The following LPAR5 variants were observed in gnomAD, a reference collection of about 807,000 sequenced individuals.
The protein encoded by LPAR5 is lysophosphatidic acid receptor 5.
For missense variants in LPAR5, 544 were observed against 521.8 expected (o/e 1.04, Z -0.41); for synonymous variants, 271 against 261.6 (o/e 1.04, Z -0.35).
rs767394053 is a variant in LPAR5 at position 6,620,374 on chromosome 12, A to G, written c.875T>C (p.Leu292Pro). The change falls in exon 2 of 2, where the codon CTG (leucine) becomes CCG (proline). Residue 292 changes from leucine to proline, a missense_variant. Coordinates refer to ENST00000329858, the MANE Select transcript of LPAR5 (RefSeq NM_020400.6). The surrounding 1 kb of genome is among the most constrained non-coding windows in gnomAD (Gnocchi z 6.8). ...MVLLAGANCV[L>P]DPLVYYFSAE... ...GCTAAAGTAGTACACCAGCGGGTCCAGCACGCAGTTGGCGCCGGCCAGCAG... is the reference window on the plus strand; with the variant it reads ...GCTAAAGTAGTACACCAGCGGGTCCGGCACGCAGTTGGCGCCGGCCAGCAG... 1 of 1,611,802 alleles carries G rather than the reference A, an allele frequency of 6.2e-7. No homozygotes were observed. The highest frequency in any genetic ancestry group is 2.2e-5 in the East Asian group (1 of 44,818).
At chr12:6,628,253 C>T (rs904839384) in intron 1 of LPAR5, among the ~76,000 whole-genome samples, 4 of 152,092 alleles carry the variant, frequency 2.6e-5, no homozygotes, top group Non-Finnish European at 5.9e-5. Context: ...TATCTCCTGA[C>T]CTCGTGATCT....
chr12:6,627,480 A>T (rs1440428523), intron 1 of LPAR5, among the ~76,000 whole-genome samples: 1 of 147,206 alleles, frequency 6.8e-6, no homozygotes, highest in Non-Finnish European at 1.5e-5. Flanking sequence ...AATCCCAACT[A>T]CTCGGGAGGC....
intron 1 of LPAR5, among the ~76,000 whole-genome samples, chr12:6,624,185 A>G (rs1257819685): frequency 6.6e-6 from 1 of 152,206 alleles, no homozygotes; most frequent in African/African-American, 2.4e-5. Context: ...CCACATGTGA[A>G]TAAATTTGAC....
chr12:6,630,089 G>A (rs1303090218), intron 1 of LPAR5, among the ~76,000 whole-genome samples: 5 of 151,978 alleles, frequency 3.3e-5, no homozygotes, highest in Non-Finnish European at 7.4e-5. Context: ...AAATGGCGAT[G>A]CTCTCTTGTT....
chr12:6,628,068 C>T (rs2136243582), intron 1 of LPAR5, among the ~76,000 whole-genome samples: 1 of 138,388 alleles, frequency 7.2e-6, no homozygotes, highest in South Asian at 2.3e-4. Flanking sequence ...GTCGTCCGGG[C>T]TGGAGTGCAG....
chr12:6,623,761 T>G (rs998136817), intron 1 of LPAR5, among the ~76,000 whole-genome samples: 39 of 152,098 alleles, frequency 2.6e-4, no homozygotes, highest in African/African-American at 8.7e-4. Context: ...TAAGCACAAA[T>G]CAATAGGTGG....
intron 1 of LPAR5, among the ~76,000 whole-genome samples, chr12:6,633,895 T>C (rs1204655740): frequency 6.6e-6 from 1 of 152,146 alleles, no homozygotes; most frequent in Non-Finnish European, 1.5e-5. Flanking sequence ...GTGAGTAAGT[T>C]TCTGTCTCAC....
chr12:6,625,179 A>G (rs1948925115), intron 1 of LPAR5, among the ~76,000 whole-genome samples: 1 of 151,864 alleles, frequency 6.6e-6, no homozygotes, highest in Admixed American at 6.6e-5. Context: ...TAATCCCAGC[A>G]CTTTGGGAGG....
chr12:6,628,712 A>G (rs980644922), intron 1 of LPAR5, among the ~76,000 whole-genome samples: 1 of 148,974 alleles, frequency 6.7e-6, no homozygotes, highest in Non-Finnish European at 1.5e-5. Context: ...CGCTCACCGC[A>G]ACCTCTGCCT....
At chr12:6,629,236 G>C (rs1270735074) in intron 1 of LPAR5, among the ~76,000 whole-genome samples, 1 of 151,080 alleles carries the variant, frequency 6.6e-6, no homozygotes, top group Non-Finnish European at 1.5e-5. Flanking sequence ...ATTAGCCAGG[G>C]GTGGTGGCAC....
chr12:6,619,858 C>G lies in LPAR5; in HGVS notation c.*272G>C. 1.5e-6 allele frequency: 1 copy of G among 647,314 alleles called. No homozygotes were observed. The highest frequency in any genetic ancestry group is 1.6e-5 in the South Asian group (1 of 63,764). The allele number at this position is 647,314 out of a possible 1,614,324, so 40.1% of individuals were successfully genotyped here. On this transcript the variant is annotated 3_prime_UTR_variant, in exon 2 of 2. Coordinates refer to ENST00000329858, the MANE Select transcript of LPAR5 (RefSeq NM_020400.6). ...TGCCCACCCAAAGGCATTTCGTCCT[C>G]TTCTGCCCTCTGCACGGGTGGGCTC...
At position 6,620,614 on chromosome 12, in the gene LPAR5, C is replaced by A. The variant is rs768612182; in HGVS notation, c.635G>T (p.Gly212Val). ...LPLAAVVYSS[G>V]RVFWTLARPD... ...GCGCGCCAGCGTCCAGAAGACTCGG[C>A]CCGACGAGTAGACCACCGCCGCCAG... is the stretch of plus-strand genomic sequence containing the variant. Residue 212 changes from glycine to valine, a missense_variant, in exon 2 of 2, where the codon GGC becomes GTC. Physicochemically the swap from Gly to Val is moderately radical, Grantham distance 109. Coordinates refer to ENST00000329858, the MANE Select transcript of LPAR5 (RefSeq NM_020400.6). This position sits in a 1 kb window ranked among gnomAD's most constrained non-coding sequence, Gnocchi z 6.8. The A allele has an allele frequency of 4.5e-6, 7 of 1,551,476 alleles. No homozygotes were observed. In the South Asian group the frequency reaches 7.1e-5, roughly 16 times the overall value.
rs759995822 is a variant in LPAR5, at chr12:6,620,956, C to G, written c.293G>C (p.Gly98Ala). The G allele has an allele frequency of 6.2e-7, 1 of 1,612,588 alleles. No individual in the cohort carries two copies. Among genetic ancestry groups the G allele is most frequent in the African/African-American group, 1.3e-5 (1 of 75,052 alleles). ...PFPDLLCQTTGAIFQMNMYGS... is the reference protein window; with the variant it reads ...PFPDLLCQTTAAIFQMNMYGS... ...GTACATGTTCATCTGGAAGATGGCGCCCGTCGTCTGGCACAGGAGGTCGGG... is the reference window on the plus strand; with the variant it reads ...GTACATGTTCATCTGGAAGATGGCGGCCGTCGTCTGGCACAGGAGGTCGGG... The change falls in exon 2 of 2, where the codon GGC (glycine) becomes GCC (alanine). Residue 98 changes from glycine (G) to alanine (A), a missense_variant. By Grantham distance (60) the Gly-to-Ala change is moderately conservative. Coordinates refer to ENST00000329858, the MANE Select transcript of LPAR5 (RefSeq NM_020400.6). This position sits in a 1 kb window ranked among gnomAD's most constrained non-coding sequence, Gnocchi z 6.8.
At chr12:6,623,540 T>TGA (rs145690337) in intron 1 of LPAR5, among the ~76,000 whole-genome samples, 193 of 141,970 alleles carry the variant, frequency 1.4e-3, no homozygotes, top group Middle Eastern at 3.8e-3. Context: ...TCTCAAAAAA[T>TGA]GAGAGAGAGA....
At chr12:6,627,365 G>A (rs1373679661) in intron 1 of LPAR5, among the ~76,000 whole-genome samples, 1 of 152,194 alleles carries the variant, frequency 6.6e-6, no homozygotes, top group Non-Finnish European at 1.5e-5. Context: ...GCCGAGGCAG[G>A]CGTATCACGA....
chr12:6,620,378 C>G lies in LPAR5; in HGVS notation c.871G>C (p.Val291Leu), dbSNP rs752660214. 6.2e-7 allele frequency: 1 copy of G among 1,611,658 alleles called. No individual in the cohort carries two copies. The highest frequency in any genetic ancestry group is 1.1e-5 in the South Asian group (1 of 90,968). Residue 291 changes from valine to leucine, a missense_variant, in exon 2 of 2, where the codon GTG becomes CTG. Coordinates refer to ENST00000329858, the MANE Select transcript of LPAR5 (RefSeq NM_020400.6). This position sits in a 1 kb window ranked among gnomAD's most constrained non-coding sequence, Gnocchi z 6.8. ...AAGTAGTACACCAGCGGGTCCAGCA[C>G]GCAGTTGGCGCCGGCCAGCAGCACC... ...VMVLLAGANC[V>L]LDPLVYYFSA...
At position 6,620,725 on chromosome 12, in the gene LPAR5, C is replaced by G. The variant is rs1287669931; in HGVS notation, c.524G>C (p.Cys175Ser). Residue 175 changes from cysteine to serine, a missense_variant, in exon 2 of 2, where the codon TGC becomes TCC. By Grantham distance (112) the Cys-to-Ser change is moderately radical (BLOSUM62 -1). Coordinates refer to ENST00000329858, the MANE Select transcript of LPAR5 (RefSeq NM_020400.6). This position sits in a 1 kb window ranked among gnomAD's most constrained non-coding sequence, Gnocchi z 6.8. ...CAGCTCGTCGCTGAAGCTCTCGAAG[C>G]ATAGGCGCACCTCGAGGTCCCGGTA... The part of the protein sequence containing the change: ...CRYRDLEVRL[C>S]FESFSDELWK... The G allele has an allele frequency of 2.5e-6, 4 of 1,586,292 alleles. No individual in the cohort carries two copies. In the South Asian group the frequency reaches 4.6e-5, roughly 18 times the overall value.
At position 6,620,620 on chromosome 12, in the gene LPAR5, G is replaced by A. The variant is rs1474642637; in HGVS notation, c.629C>T (p.Ser210Leu). The part of the protein sequence containing the change: ...FLLPLAAVVY[S>L]SGRVFWTLAR... ...CAGCGTCCAGAAGACTCGGCCCGACGAGTAGACCACCGCCGCCAGGGGCAG... is the reference window on the plus strand; with the variant it reads ...CAGCGTCCAGAAGACTCGGCCCGACAAGTAGACCACCGCCGCCAGGGGCAG... The change falls in exon 2 of 2, where the codon TCG (serine) becomes TTG (leucine). Residue 210 changes from serine to leucine, a missense_variant. By Grantham distance (145) the Ser-to-Leu change is moderately radical. Transcript: ENST00000329858. This position sits in a 1 kb window ranked among gnomAD's most constrained non-coding sequence, Gnocchi z 6.8. 1 of 1,552,118 alleles carries A rather than the reference G, an allele frequency of 6.4e-7. No homozygotes were observed. Among genetic ancestry groups the A allele is most frequent in the South Asian group, 1.2e-5 (1 of 84,538 alleles).
chr12:6,620,645 GC>G lies in LPAR5; in HGVS notation c.603del (p.Leu202CysfsTer78). ...LVLLAEALGF[L>X]LPLAAVVYSS... ...GAGTAGACCACCGCCGCCAGGGGCA[GC>G]AGGAAGCCCAGCGCCTCGGCCAGCA... On this transcript the variant is annotated frameshift_variant, in exon 2 of 2. Transcript: ENST00000329858. LOFTEE classifies it low-confidence loss of function (END_TRUNC). The surrounding 1 kb of genome is among the most constrained non-coding windows in gnomAD (Gnocchi z 6.8). 1 of 1,554,996 alleles carries G rather than the reference GC, an allele frequency of 6.4e-7. No homozygotes were observed. Among genetic ancestry groups the G allele is most frequent in the Non-Finnish European group, 8.7e-7 (1 of 1,149,924 alleles).
Sources: allele counts gnomAD v4.1 joint callset (sites outside exome capture counted in the v4.1 genomes callset), GRCh38; gene constraint gnomAD v4.1.1; non-coding constraint Gnocchi (gnomAD v3.1); transcripts MANE v1.5; gene names NCBI Gene and HGNC (gene_info 2026-07-23, HGNC 2026-07-21).